Variants in ABCC4 observed in about 807,000 individuals in gnomAD.
ABCC4 encodes the protein ATP-binding cassette sub-family C member 4.
Under a neutral mutation model 168.5 loss-of-function variants are expected in ABCC4, and 102 were observed. The ratio of observed to expected loss-of-function variants is 0.61; its 90% CI spans 0.52 to 0.71. The LOEUF is 0.71. ABCC4 is among the 30% of genes least tolerant of loss of function. The pLI is 0.00. For synonymous variants in ABCC4, 617 were observed against 590.7 expected (o/e 1.04, Z -0.65); for missense variants, 1,402 against 1,605.8 (o/e 0.87, Z 2.17).
At chr13:95,225,980 A>AAAG (rs1555333666) in intron 4 of ABCC4, among the ~76,000 whole-genome samples, 1 of 148,976 alleles carries the variant, frequency 6.7e-6, no homozygotes, top group Non-Finnish European at 1.5e-5. Context: ...AAAAAAAAAA[A>AAAG]AAAAGAAAAA....
Position 95,083,250 on chromosome 13 carries a change from GC to G in ABCC4, c.2575del (p.Ala859ProfsTer2). 6.2e-7 allele frequency: 1 copy of G among 1,613,898 alleles called. No homozygotes were observed. The highest frequency in any genetic ancestry group is 8.5e-7 in the Non-Finnish European group (1 of 1,179,928). On this transcript the variant is annotated frameshift_variant, in exon 21 of 31. Coordinates refer to ENST00000645237, the MANE Select transcript of ABCC4 (RefSeq NM_005845.5). LOFTEE classifies it high-confidence loss of function. ...QVVGVVSVAV[A>X]VIPWIAIPLV... Reference sequence around the variant, plus strand: ...GGGTATTGCGATCCAAGGAATCACGGCCACAGCCACAGAGACCACACCAACC... The same window carrying G: ...GGGTATTGCGATCCAAGGAATCACGGCACAGCCACAGAGACCACACCAACC...
intron 10 of ABCC4, among the ~76,000 whole-genome samples, chr13:95,187,561 G>A (rs978951915): frequency 3.3e-5 from 5 of 152,162 alleles, no homozygotes; most frequent in Non-Finnish European, 5.9e-5. Context: ...TCTAGATCAC[G>A]CCACTGCACT....
intron 25 of ABCC4, among the ~76,000 whole-genome samples, chr13:95,067,366 G>A (rs1293616206): frequency 6.6e-6 from 1 of 152,092 alleles, no homozygotes; most frequent in Non-Finnish European, 1.5e-5. Context: ...CTTGGCCCAG[G>A]ACTATCCAGA....
intron 20 of ABCC4, among the ~76,000 whole-genome samples, chr13:95,111,816 C>T (rs897752864): frequency 1.3e-5 from 2 of 152,148 alleles, no homozygotes; most frequent in South Asian, 2.1e-4. Flanking sequence ...GCGATTTCAT[C>T]GGGAGAGTAA....
At chr13:95,281,436 G>A (rs1011287166) in intron 1 of ABCC4, among the ~76,000 whole-genome samples, 3 of 151,582 alleles carry the variant, frequency 2.0e-5, no homozygotes, top group Non-Finnish European at 4.4e-5. Flanking sequence ...ATTGAGAAAC[G>A]AACACCAACA....
At chr13:95,074,082 G>A (rs1377455686) in intron 23 of ABCC4, 132 bp downstream of exon 23, 3 of 704,984 alleles carry the variant, frequency 4.3e-6, no homozygotes, top group Admixed American at 3.2e-5. Flanking sequence ...CTGACACATC[G>A]TAAATGATTT....
intron 1 of ABCC4, among the ~76,000 whole-genome samples, chr13:95,296,551 C>G (rs1300603492): frequency 1.3e-5 from 2 of 152,226 alleles, no homozygotes; most frequent in East Asian, 3.9e-4. Context: ...GACACTTCAC[C>G]CACTGAGATA....
In ABCC4 at chr13:95,163,647, C is replaced by T; in HGVS notation, c.2176G>A (p.Val726Ile). The T allele has an allele frequency of 1.2e-6, 2 of 1,611,150 alleles. No homozygotes were observed. The highest frequency in any genetic ancestry group is 1.7e-6 in the Non-Finnish European group (2 of 1,178,252). The part of the protein sequence containing the change: ...FLILLNTAAQ[V>I]AYVLQDWWLS... ...CACCAATCTTGAAGCACATAGGCAA[C>T]CTAGGAGGGGAGAAACAACAAAGAC... is the stretch of plus-strand genomic sequence containing the variant. The change falls in exon 17 of 31, where the codon GTT (valine) becomes ATT (isoleucine). Residue 726 changes from valine to isoleucine, a missense_variant and splice_region_variant. Around this residue, in one of 3 missense-constraint regions of ABCC4, gnomAD observed 1,007 missense variants for 1,127.3 expected, o/e 0.89. Coordinates refer to ENST00000645237, the MANE Select transcript of ABCC4 (RefSeq NM_005845.5).
intron 21 of ABCC4, among the ~76,000 whole-genome samples, chr13:95,079,844 A>G (rs1046160204): frequency 6.6e-6 from 1 of 152,172 alleles, no homozygotes; most frequent in Non-Finnish European, 1.5e-5. Flanking sequence ...TCAAAAAAAC[A>G]AAAACAAGAA....
In ABCC4 at chr13:95,274,842, C is replaced by T. The variant is rs774136043; in HGVS notation, c.74+26399G>A. On this transcript the variant is annotated intron_variant, in intron 1 of 30. Coordinates refer to ENST00000645237, the MANE Select transcript of ABCC4 (RefSeq NM_005845.5). Reference sequence around the variant, plus strand: ...CTGTAATCCCAGCACTTTGGGAGGCCGAGGCAGGCGGATCACTTGACGTCA... The same window carrying T: ...CTGTAATCCCAGCACTTTGGGAGGCTGAGGCAGGCGGATCACTTGACGTCA... Among the ~76,000 whole-genome samples, 213 of 152,218 alleles carry T rather than the reference C, an allele frequency of 1.4e-3. 1 individual carries two copies. Among genetic ancestry groups the T allele is most frequent in the Middle Eastern group, 3.4e-3 (1 of 294 alleles).
At chr13:95,229,190 G>C (rs2039549410) in intron 4 of ABCC4, among the ~76,000 whole-genome samples, 1 of 152,054 alleles carries the variant, frequency 6.6e-6, no homozygotes, top group Non-Finnish European at 1.5e-5. Flanking sequence ...GAAATCTATA[G>C]AGAGCACCCC....
At chr13:95,138,472 G>T (rs984956278) in intron 19 of ABCC4, among the ~76,000 whole-genome samples, 4 of 152,084 alleles carry the variant, frequency 2.6e-5, no homozygotes, top group Non-Finnish European at 2.9e-5. Flanking sequence ...GGTGAAATGT[G>T]AACTAAGTGT....
chr13:95,125,531 A>AAATGAATG (rs3837534), intron 19 of ABCC4, among the ~76,000 whole-genome samples: 1 of 151,378 alleles, frequency 6.6e-6, no homozygotes, highest in African/African-American at 2.4e-5. Flanking sequence ...ACAAGTAAAT[A>AAATGAATG]AATGAATGAA....
intron 4 of ABCC4, among the ~76,000 whole-genome samples, chr13:95,226,511 G>C (rs2039470707): frequency 6.6e-6 from 1 of 152,150 alleles, no homozygotes; most frequent in African/African-American, 2.4e-5. Flanking sequence ...AATGGGGAAA[G>C]AGTAGTCTTC....
At chr13:95,210,365 A>G (rs2038918194) in intron 5 of ABCC4, among the ~76,000 whole-genome samples, 1 of 152,234 alleles carries the variant, frequency 6.6e-6, no homozygotes, top group African/African-American at 2.4e-5. Flanking sequence ...GTTCATGAGC[A>G]TGATAATCGG....
chr13:95,291,149 T>A (rs1358117451), intron 1 of ABCC4, among the ~76,000 whole-genome samples: 1 of 151,258 alleles, frequency 6.6e-6, no homozygotes, highest in African/African-American at 2.4e-5. Flanking sequence ...AGCTCAAGAG[T>A]TCGAGACTAG....
At chr13:95,260,419 T>C (rs1212043161) in intron 1 of ABCC4, among the ~76,000 whole-genome samples, 2 of 152,136 alleles carry the variant, frequency 1.3e-5, no homozygotes, top group East Asian at 1.9e-4. Flanking sequence ...GTGGCGGTCC[T>C]TAAAAAGCTC....
intron 1 of ABCC4, among the ~76,000 whole-genome samples, chr13:95,270,000 AG>A (rs1278236905): frequency 6.6e-6 from 1 of 152,220 alleles, no homozygotes; most frequent in Non-Finnish European, 1.5e-5. Context: ...ACTGGTATTC[AG>A]GGGTTCATTA....
At chr13:95,064,250 GTGTGTGTGTGTATATATA>G (rs1319354112) in intron 25 of ABCC4, among the ~76,000 whole-genome samples, 2 of 7,322 alleles carry the variant, frequency 2.7e-4, no homozygotes, top group South Asian at 8.9e-3. Flanking sequence ...ATCCGGGTGT[GTGTGTGTGTGTATATATA>G]TATATATATA....
Sources: allele counts gnomAD v4.1 joint callset (sites outside exome capture counted in the v4.1 genomes callset), GRCh38; gene constraint gnomAD v4.1.1; regional missense constraint gnomAD v4.1.1; transcripts MANE v1.5; gene names NCBI Gene and HGNC (gene_info 2026-07-23, HGNC 2026-07-21).